Variants in INPP4A observed in about 807,000 individuals in gnomAD.
The protein encoded by INPP4A is inositol polyphosphate-4-phosphatase, type I, 107kD.
Under a neutral mutation model 119.8 loss-of-function variants are expected in INPP4A, and 33 were observed. The ratio of observed to expected loss-of-function variants is 0.28; its 90% confidence interval spans 0.21 to 0.37. The LOEUF (loss-of-function observed/expected upper bound fraction) is 0.37, where lower values mean the gene tolerates loss of function less well. INPP4A is among the 10% of genes least tolerant of loss of function. The pLI, the probability that INPP4A is intolerant of heterozygous loss-of-function variation, is 1.00. For missense variants in INPP4A, 956 were observed against 1,289.9 expected (o/e 0.74, Z 3.97); for synonymous variants, 496 against 500.7 (o/e 0.99, Z 0.12).
intron 7 of INPP4A, 147 bp from the exon 8 acceptor site, chr2:98,537,716 T>G: frequency 1.6e-6 from 1 of 639,390 alleles, no homozygotes; most frequent in Non-Finnish European, 2.9e-6. Context: ...GAGCCCTGTG[T>G]GCACAGTGAA....
chr2:98,548,108 G>C lies in INPP4A; in HGVS notation c.1163+1414G>C, dbSNP rs1390034070. 2.7e-5 allele frequency among the ~76,000 whole-genome samples: 4 copies of C among 149,488 alleles called. No homozygotes were observed. The Admixed American group carries it at 2.7e-4, about 10-fold the overall frequency. ...CAGGGAGGCAGCTAGGGGCGTCACT[G>C]ATCATGGGCAAGGCTGAGCAGGGAA... On this transcript the variant is annotated intron_variant, in intron 13 of 24. Coordinates refer to ENST00000409851, the MANE Select transcript of INPP4A (RefSeq NM_001134225.2).
At chr2:98,525,273 C>T (rs913010108) in intron 4 of INPP4A, among the ~76,000 whole-genome samples, 1 of 152,172 alleles carries the variant, frequency 6.6e-6, no homozygotes, top group Non-Finnish European at 1.5e-5. Context: ...TAGTGCCTTC[C>T]ATGCTTGGAA....
chr2:98,533,759 T>C (rs1451141881), intron 5 of INPP4A, among the ~76,000 whole-genome samples: 3 of 152,242 alleles, frequency 2.0e-5, no homozygotes, highest in African/African-American at 7.2e-5. Context: ...TTCATTGCCT[T>C]GTAAGAGGTA....
chr2:98,580,648 T>TG (rs992440523), intron 24 of INPP4A, among the ~76,000 whole-genome samples: 1 of 152,196 alleles, frequency 6.6e-6, no homozygotes, highest in African/African-American at 2.4e-5. Flanking sequence ...AGCAGGGCCA[T>TG]GGGGGCTTCG....
intron 1 of INPP4A, among the ~76,000 whole-genome samples, chr2:98,496,222 C>G (rs967091319): frequency 2.6e-5 from 4 of 152,170 alleles, no homozygotes; most frequent in African/African-American, 9.7e-5. Flanking sequence ...AAATGCTCCT[C>G]TCCAAGAGGA....
At chr2:98,535,187 C>G (rs1266930710) in intron 5 of INPP4A, among the ~76,000 whole-genome samples, 4 of 152,108 alleles carry the variant, frequency 2.6e-5, no homozygotes, top group African/African-American at 9.7e-5. Flanking sequence ...CACCTATGAT[C>G]AAAAAACTAG....
intron 1 of INPP4A, among the ~76,000 whole-genome samples, chr2:98,490,931 C>A (rs950076693): frequency 6.6e-6 from 1 of 152,114 alleles, no homozygotes; most frequent in Admixed American, 6.5e-5. Flanking sequence ...AAAACGAAAA[C>A]CCTTTCCAAA....
intron 4 of INPP4A, among the ~76,000 whole-genome samples, chr2:98,530,072 TAAGACTC>T (rs1223599148): frequency 4.0e-5 from 6 of 151,874 alleles, no homozygotes; most frequent in South Asian, 2.1e-4. Flanking sequence ...AGAATGGACT[TAAGACTC>T]AAGAATATTC....
At chr2:98,452,147 G>C (rs923181077) in intron 1 of INPP4A, among the ~76,000 whole-genome samples, 2 of 152,222 alleles carry the variant, frequency 1.3e-5, no homozygotes, top group African/African-American at 4.8e-5. Flanking sequence ...AGACAAAGCA[G>C]CTGATTCCCC....
chr2:98,593,662 C>T lies in INPP4A; in HGVS notation c.*6054C>T, dbSNP rs1021264117. 2.0e-5 allele frequency: 3 copies of T among 152,346 alleles called. No homozygotes were observed. Among genetic ancestry groups the T allele is most frequent in the East Asian group, 1.9e-4 (1 of 5,190 alleles). 9.4% of individuals were successfully genotyped at this position (152,346 alleles called of 1,614,324 possible). ...TCAAATACAGCATGCTCATGCCTCT[C>T]CTCCTCCAAGCTGGCTGAGTCTCCC... is the stretch of plus-strand genomic sequence containing the variant. On this transcript the variant is annotated 3_prime_UTR_variant, in exon 25 of 25. Transcript: ENST00000409851.
intron 1 of INPP4A, among the ~76,000 whole-genome samples, chr2:98,494,905 C>T (rs1054267816): frequency 1.7e-4 from 26 of 152,154 alleles, no homozygotes; most frequent in African/African-American, 5.1e-4. Context: ...AGGCAGACAG[C>T]TTAACAAAGA....
rs1387009340 is a variant in INPP4A, at chr2:98,445,073, C to G, written c.-178C>G. On this transcript the variant is annotated 5_prime_UTR_variant, in exon 1 of 25. Coordinates refer to ENST00000409851, the MANE Select transcript of INPP4A (RefSeq NM_001134225.2). The stretch of plus-strand genomic sequence containing the variant: ...CAGCGGGGCGGCTGGCGCCGGGGGC[C>G]GGGGAGCGCCAGGTAGGTGGGCCGG... The G allele has an allele frequency of 6.7e-6, 1 of 148,360 alleles. No homozygotes were observed. The highest frequency in any genetic ancestry group is 2.0e-4 in the East Asian group (1 of 5,082). 9.2% of individuals were successfully genotyped at this position (148,360 alleles called of 1,614,324 possible).
chr2:98,549,348 C>T (rs1188172708), intron 13 of INPP4A, among the ~76,000 whole-genome samples: 2 of 152,160 alleles, frequency 1.3e-5, no homozygotes, highest in Non-Finnish European at 2.9e-5. Flanking sequence ...TGTGGCTTTT[C>T]AGTTTTCACT....
intron 1 of INPP4A, among the ~76,000 whole-genome samples, chr2:98,482,280 T>G (rs1185829785): frequency 6.6e-6 from 1 of 152,262 alleles, no homozygotes; most frequent in African/African-American, 2.4e-5. Flanking sequence ...GGGCTGAGAC[T>G]CTGGAGATCT....
At chr2:98,564,039 G>A (rs967688843) in intron 18 of INPP4A, among the ~76,000 whole-genome samples, 4 of 151,392 alleles carry the variant, frequency 2.6e-5, no homozygotes, top group African/African-American at 9.7e-5. Context: ...CCTTAGCTCT[G>A]CAGCTTGTTG....
At chr2:98,574,612 T>G (rs1238057224) in intron 23 of INPP4A, among the ~76,000 whole-genome samples, 2 of 145,190 alleles carry the variant, frequency 1.4e-5, no homozygotes, top group Non-Finnish European at 3.0e-5. Flanking sequence ...CACTCCAGCC[T>G]GGGTGATAGA....
intron 1 of INPP4A, among the ~76,000 whole-genome samples, chr2:98,487,064 T>G (rs1161331895): frequency 6.6e-6 from 1 of 152,236 alleles, no homozygotes; most frequent in Admixed American, 6.5e-5. Context: ...TAGAATAGTT[T>G]TAGATATACA....
At chr2:98,534,181 G>A (rs985489080) in intron 5 of INPP4A, among the ~76,000 whole-genome samples, 4 of 152,174 alleles carry the variant, frequency 2.6e-5, no homozygotes, top group Non-Finnish European at 5.9e-5. Context: ...CCAAGTTCAC[G>A]TCAACAATTC....
chr2:98,549,890 A>G (rs1693187390), intron 13 of INPP4A, among the ~76,000 whole-genome samples: 1 of 152,040 alleles, frequency 6.6e-6, no homozygotes, highest in African/African-American at 2.4e-5. Context: ...GACCCATGCT[A>G]CTTCTGTGGA....
Sources: allele counts gnomAD v4.1 joint callset (sites outside exome capture counted in the v4.1 genomes callset), GRCh38; gene constraint gnomAD v4.1.1; transcripts MANE v1.5; gene names NCBI Gene and HGNC (gene_info 2026-07-23, HGNC 2026-07-21).